Variants in AKT1S1 observed in about 807,000 individuals in gnomAD.
AKT1S1 encodes AKT1 substrate 1.
In AKT1S1, 17 loss-of-function variants were observed where a neutral mutation model predicts 21.2. That is an observed-to-expected ratio of 0.80 (90% CI 0.55 to 1.20). The LOEUF (loss-of-function observed/expected upper bound fraction) is 1.20. Ranked by LOEUF, AKT1S1 falls within the 50% of genes most tolerant of loss-of-function variation. The pLI, the probability that AKT1S1 is intolerant of heterozygous loss-of-function variation, is 0.00. For missense variants in AKT1S1, 366 were observed against 368.3 expected, an observed-to-expected ratio of 0.99 and a Z score of 0.05; for synonymous variants, 181 against 165.6, an observed-to-expected ratio of 1.09 and a Z score of -0.72.
rs574071914 is a variant in AKT1S1, at chr19:49,869,784, G to C, written c.*133C>G. ...AAGGACGGCGGGGATTGGCAGAGGCGGGACAATCTTGGGAATGGGAGACGC... is the reference window on the plus strand; with the variant it reads ...AAGGACGGCGGGGATTGGCAGAGGCCGGACAATCTTGGGAATGGGAGACGC... On this transcript the variant is annotated 3_prime_UTR_variant, in exon 5 of 5. Coordinates refer to ENST00000344175, the MANE Select transcript of AKT1S1 (RefSeq NM_001098633.4). 9.4e-7 allele frequency: 1 copy of C among 1,058,606 alleles called. No individual in the cohort carries two copies. Among genetic ancestry groups the C allele is most frequent in the Non-Finnish European group, 1.3e-6 (1 of 792,200 alleles). 65.6% of individuals were successfully genotyped at this position (1,058,606 alleles called of 1,614,324 possible).
intron 2 of AKT1S1, among the ~76,000 whole-genome samples, chr19:49,872,691 C>T (rs1018518842): frequency 1.3e-5 from 2 of 152,206 alleles, no homozygotes; most frequent in Non-Finnish European, 2.9e-5. Context: ...TCCTTGTGCC[C>T]ACCACTCCCA....
chr19:49,870,496 C>T (rs1032860454), intron 4 of AKT1S1, among the ~76,000 whole-genome samples: 1 of 152,144 alleles, frequency 6.6e-6, no homozygotes, highest in Non-Finnish European at 1.5e-5. Flanking sequence ...AAAAATGGGG[C>T]GGATAACAGG....
chr19:49,871,473 T>G, intron 4 of AKT1S1, 74 bp downstream of exon 4: 1 of 1,589,618 alleles, frequency 6.3e-7, no homozygotes, highest in Non-Finnish European at 8.6e-7. Flanking sequence ...GCATCCATGC[T>G]GGAGGGCTTC....
rs750324380 is a variant in AKT1S1 at position 49,876,678 on chromosome 19, G to A, written c.-8+559C>T. The A allele has an allele frequency of 5.4e-6, 8 of 1,473,234 alleles. No individual in the cohort carries two copies. In the East Asian group the frequency reaches 8.3e-5, roughly 15 times the overall value. 91.3% of individuals were successfully genotyped at this position (1,473,234 alleles called of 1,614,324 possible). On this transcript the variant is annotated intron_variant, in intron 1 of 4. Transcript: ENST00000344175. ...CATGGCGGCGCCTTGCGTCACGTCC[G>A]CGCAGTTGCCCCGCCTCCTCTCCGC...
At chr19:49,876,460 G>A (rs1461855174) in intron 1 of AKT1S1, 1 of 1,165,156 alleles carries the variant, frequency 8.6e-7, no homozygotes, top group Admixed American at 4.2e-5. Flanking sequence ...CCAGCGCTCA[G>A]CAAAGGATCG....
In AKT1S1 at chr19:49,869,689, G is replaced by C. The variant is rs2074859894; in HGVS notation, c.*228C>G. 2.2e-6 allele frequency: 1 copy of C among 449,472 alleles called. No individual in the cohort carries two copies. 27.8% of individuals were successfully genotyped at this position (449,472 alleles called of 1,614,324 possible). A position where few individuals can be genotyped will look rare whatever the true frequency, so the allele number is the denominator to read the frequency against. ...AATAGAAGGAATCTGTCGCTAGGCGGAGAGAGACGACAGACCCAATCGGGA... is the reference window on the plus strand; with the variant it reads ...AATAGAAGGAATCTGTCGCTAGGCGCAGAGAGACGACAGACCCAATCGGGA... On this transcript the variant is annotated 3_prime_UTR_variant, in exon 5 of 5. Transcript: ENST00000344175.
At chr19:49,877,911 C>T (rs2074970648), upstream of AKT1S1, 4 of 858,896 alleles carry the variant, frequency 4.7e-6, no homozygotes, top group Non-Finnish European at 7.1e-6. Context: ...CAGGGAAGAA[C>T]CTCCCATGGC....
chr19:49,875,629 C>A (rs181356842), intron 1 of AKT1S1, among the ~76,000 whole-genome samples: 1 of 152,162 alleles, frequency 6.6e-6, no homozygotes, highest in African/African-American at 2.4e-5. Context: ...TAATGACATG[C>A]GGAGAAGAGG....
chr19:49,875,833 AC>A, intron 1 of AKT1S1: 1 of 985,208 alleles, frequency 1.0e-6, no homozygotes, highest in Non-Finnish European at 1.2e-6. Context: ...CTGTAATGCT[AC>A]CCAACAGGAG....
intron 4 of AKT1S1, 141 bp from the exon 5 acceptor site, chr19:49,870,201 G>T: frequency 9.9e-7 from 1 of 1,007,728 alleles, no homozygotes; most frequent in Non-Finnish European, 1.3e-6. Context: ...GATGCCCACT[G>T]CCAGCAGTGC....
At chr19:49,878,280 C>A (rs910841003), upstream of AKT1S1, 21 of 1,535,968 alleles carry the variant, frequency 1.4e-5, no homozygotes, top group Non-Finnish European at 1.7e-5. Context: ...CCGCTCCGAG[C>A]GGGATGCAGG....
At position 49,869,784 on chromosome 19, in the gene AKT1S1, G is replaced by A. The variant is rs574071914; in HGVS notation, c.*133C>T. On this transcript the variant is annotated 3_prime_UTR_variant, in exon 5 of 5. Coordinates refer to ENST00000344175, the MANE Select transcript of AKT1S1 (RefSeq NM_001098633.4). ...AAGGACGGCGGGGATTGGCAGAGGC[G>A]GGACAATCTTGGGAATGGGAGACGC... 2 of 1,058,726 alleles carry A rather than the reference G, an allele frequency of 1.9e-6. No individual in the cohort carries two copies. The highest frequency in any genetic ancestry group is 3.3e-4 in the Middle Eastern group (1 of 3,050). 65.6% of individuals were successfully genotyped at this position (1,058,726 alleles called of 1,614,324 possible). A position where few individuals can be genotyped will look rare whatever the true frequency, so the allele number is the denominator to read the frequency against.
intron 4 of AKT1S1, among the ~76,000 whole-genome samples, chr19:49,871,315 T>TA (rs1234660755): frequency 6.6e-6 from 1 of 152,058 alleles, no homozygotes; most frequent in East Asian, 1.9e-4. Context: ...GTTCTATAAA[T>TA]AGAGACGCTC....
In AKT1S1 at chr19:49,877,223, A is replaced by G. The variant is rs1044668998; in HGVS notation, c.-8+14T>C. ...AGTCCCTCAGTGCCTCTTGTGGTGT[A>G]CAGCTCCTCTCACCTCCTCTTCTCT... On this transcript the variant is annotated intron_variant, in intron 1 of 4. Coordinates refer to ENST00000344175, the MANE Select transcript of AKT1S1 (RefSeq NM_001098633.4). The G allele has an allele frequency of 7.9e-5, 13 of 164,282 alleles. No individual in the cohort carries two copies. The highest frequency in any genetic ancestry group is 3.1e-4 in the African/African-American group (13 of 41,846). The allele number at this position is 164,282 out of a possible 1,614,324, so 10.2% of individuals were successfully genotyped here. A position where few individuals can be genotyped will look rare whatever the true frequency, so the allele number is the denominator to read the frequency against.
upstream of AKT1S1, chr19:49,877,417 C>T (rs2074962184): frequency 4.6e-6 from 2 of 438,728 alleles, no homozygotes; most frequent in African/African-American, 4.1e-5. Flanking sequence ...TCAAGGCGTG[C>T]TTGCCCCAGG....
chr19:49,877,159 C>T (rs191591041), intron 1 of AKT1S1, 78 bp downstream of exon 1: 3 of 161,910 alleles, frequency 1.9e-5, no homozygotes, highest in African/African-American at 7.1e-5. Flanking sequence ...GGGGCCGCTT[C>T]GTTTCTGGGG....
chr19:49,876,045 G>A lies in AKT1S1; in HGVS notation c.-8+1192C>T, dbSNP rs948657135. On this transcript the variant is annotated intron_variant, in intron 1 of 4. Transcript: ENST00000344175. ...GGCTGTCCTCTTTGGATGCAGGGAG[G>A]AGGGAAAAGAGCTAAGGAGGAGAGG... 3.0e-6 allele frequency: 3 copies of A among 985,392 alleles called. No individual in the cohort carries two copies. In the African/African-American group the frequency reaches 5.2e-5, roughly 17 times the overall value. 61.0% of individuals were successfully genotyped at this position (985,392 alleles called of 1,614,324 possible). A position where few individuals can be genotyped will look rare whatever the true frequency, so the allele number is the denominator to read the frequency against.
intron 1 of AKT1S1, among the ~76,000 whole-genome samples, chr19:49,875,639 G>T (rs997292806): frequency 6.6e-6 from 1 of 152,220 alleles, no homozygotes; most frequent in Non-Finnish European, 1.5e-5. Flanking sequence ...CGGAGAAGAG[G>T]GGGAGAGGAG....
upstream of AKT1S1, chr19:49,877,683 G>A (rs1171488542): frequency 2.5e-6 from 4 of 1,593,910 alleles, no homozygotes; most frequent in Non-Finnish European, 2.6e-6. Flanking sequence ...CGCTGACTAG[G>A]AAAAGGAGGA....
Sources: gnomAD v4.1 joint callset for allele counts (sites outside exome capture counted in the v4.1 genomes callset) on GRCh38, gnomAD v4.1.1 for gene constraint, MANE v1.5 for transcripts, NCBI Gene and HGNC (gene_info 2026-07-23, HGNC 2026-07-21) for gene names.